DRAM1: variants seen among roughly 807,000 people sequenced by gnomAD.
The protein encoded by DRAM1 is DNA damage regulated autophagy modulator 1, also known as DNA damage-regulated autophagy modulator protein 1.
Under a neutral mutation model 28.5 loss-of-function variants are expected in DRAM1, and 25 were observed. The observed-to-expected ratio is 0.88, with a 90% CI of 0.64 to 1.23. The LOEUF (loss-of-function observed/expected upper bound fraction) is 1.23, where lower values mean the gene tolerates loss of function less well. Ranked by LOEUF, DRAM1 falls within the 50% of genes most tolerant of loss-of-function variation. DRAM1 has a pLI of 0.00. For missense variants in DRAM1, 249 were observed against 299.2 expected, an observed-to-expected ratio of 0.83 and a Z score of 1.24; for synonymous variants, 113 against 114.2, an observed-to-expected ratio of 0.99 and a Z score of 0.07.
chr12:101,889,445 A>C (rs2121040088), intron 1 of DRAM1, among the ~76,000 whole-genome samples: 1 of 152,148 alleles, frequency 6.6e-6, no homozygotes, highest in Admixed American at 6.6e-5. Context: ...CCACTCAGAC[A>C]AGAAAAGAGA....
intron 2 of DRAM1, among the ~76,000 whole-genome samples, chr12:101,900,389 A>G (rs1181010728): frequency 6.6e-6 from 1 of 152,262 alleles, no homozygotes; most frequent in Non-Finnish European, 1.5e-5. Flanking sequence ...GATACAAGAT[A>G]CAATGTTAAA....
intron 2 of DRAM1, among the ~76,000 whole-genome samples, chr12:101,898,996 C>T (rs1383588468): frequency 6.6e-6 from 1 of 152,092 alleles, no homozygotes; most frequent in African/African-American, 2.4e-5. Flanking sequence ...TCTCTTAGTC[C>T]TTCTATAATC....
rs1874494189 is a variant in DRAM1 at position 101,921,786 on chromosome 12, T to G, written c.*526T>G. 1 of 153,442 alleles carries G rather than the reference T, an allele frequency of 6.5e-6. No homozygotes were observed. The highest frequency in any genetic ancestry group is 2.1e-4 in the South Asian group (1 of 4,862). 9.5% of individuals were successfully genotyped at this position (153,442 alleles called of 1,614,324 possible). ...AATCATAAAGATTTAGTTGATACAT[T>G]AACACTAAGATACTCTGATTTTTAG... On this transcript the variant is annotated 3_prime_UTR_variant, in exon 7 of 7. Transcript: ENST00000258534.
chr12:101,895,195 T>TTTTTTG (rs1566123833), intron 1 of DRAM1, among the ~76,000 whole-genome samples: 1 of 127,144 alleles, frequency 7.9e-6, no homozygotes, highest in Non-Finnish European at 1.6e-5. Context: ...GGTTTTTTTT[T>TTTTTTG]TTTTTTTTTT....
At chr12:101,890,843 C>T (rs1051271173) in intron 1 of DRAM1, among the ~76,000 whole-genome samples, 6 of 150,780 alleles carry the variant, frequency 4.0e-5, no homozygotes, top group Non-Finnish European at 5.9e-5. Context: ...CTCCACTTCC[C>T]GGGTTCAAGC....
intron 1 of DRAM1, among the ~76,000 whole-genome samples, chr12:101,892,661 C>A (rs1222936449): frequency 6.6e-6 from 1 of 152,062 alleles, no homozygotes; most frequent in African/African-American, 2.4e-5. Flanking sequence ...ATGAACTATT[C>A]TTGAGCAAAA....
At chr12:101,914,857 C>G (rs995005023) in intron 5 of DRAM1, among the ~76,000 whole-genome samples, 1 of 151,980 alleles carries the variant, frequency 6.6e-6, no homozygotes, top group Non-Finnish European at 1.5e-5. Flanking sequence ...GGGTTTTTCC[C>G]ATGTTGACCA....
intron 1 of DRAM1, among the ~76,000 whole-genome samples, chr12:101,888,746 G>A (rs1400718858): frequency 6.8e-6 from 1 of 146,330 alleles, no homozygotes; most frequent in Non-Finnish European, 1.5e-5. Flanking sequence ...TTGCTCAAAA[G>A]TCTTGACTGA....
chr12:101,885,796 G>A (rs1872866289), intron 1 of DRAM1, among the ~76,000 whole-genome samples: 1 of 152,068 alleles, frequency 6.6e-6, no homozygotes. Flanking sequence ...AAAAAGTGCT[G>A]GGATTACAGG....
chr12:101,889,704 C>A (rs530586289), intron 1 of DRAM1, among the ~76,000 whole-genome samples: 1 of 152,242 alleles, frequency 6.6e-6, no homozygotes, highest in South Asian at 2.1e-4. Flanking sequence ...TTTTGGGAAG[C>A]CAAGGCAGGT....
intron 1 of DRAM1, among the ~76,000 whole-genome samples, chr12:101,887,664 G>A (rs1419926908): frequency 1.3e-5 from 2 of 151,592 alleles, no homozygotes; most frequent in South Asian, 2.1e-4. Context: ...CTGAGTAGCT[G>A]GGACTACAGG....
chr12:101,883,525 A>T (rs1872764999), intron 1 of DRAM1, among the ~76,000 whole-genome samples: 1 of 151,136 alleles, frequency 6.6e-6, no homozygotes, highest in Non-Finnish European at 1.5e-5. Context: ...CATGTTAGCC[A>T]GGGTGGTCTC....
At chr12:101,895,566 A>ATTTTTGGGT (rs61325494) in intron 1 of DRAM1, among the ~76,000 whole-genome samples, 3 of 103,422 alleles carry the variant, frequency 2.9e-5, no homozygotes, top group Admixed American at 1.2e-4. Flanking sequence ...AAGGGAGGCT[A>ATTTTTGGGT]TTTTTTTTTT....
chr12:101,920,954 T>A (rs1874459829), intron 6 of DRAM1, among the ~76,000 whole-genome samples: 1 of 152,182 alleles, frequency 6.6e-6, no homozygotes, highest in South Asian at 2.1e-4. Context: ...AAAAGTGTGT[T>A]GTTCAAAAAA....
chr12:101,895,190 T>G (rs796271913), intron 1 of DRAM1, among the ~76,000 whole-genome samples: 28 of 75,906 alleles, frequency 3.7e-4, no homozygotes, highest in African/African-American at 1.9e-3. Context: ...CTTCAGGTTT[T>G]TTTTTTTTTT....
intron 5 of DRAM1, among the ~76,000 whole-genome samples, chr12:101,917,466 T>A (rs1261728156): frequency 6.6e-6 from 1 of 151,768 alleles, no homozygotes; most frequent in Non-Finnish European, 1.5e-5. Context: ...GGCGGGTGGA[T>A]CACTTGAGGC....
At chr12:101,879,791 C>T (rs951225959) in intron 1 of DRAM1, among the ~76,000 whole-genome samples, 3 of 152,018 alleles carry the variant, frequency 2.0e-5, no homozygotes, top group South Asian at 4.1e-4. Context: ...GTCAAGAGAT[C>T]GAGACCATCC....
chr12:101,903,959 A>ACACCCACC (rs202092215), intron 3 of DRAM1, among the ~76,000 whole-genome samples: 1 of 124,308 alleles, frequency 8.0e-6, no homozygotes, highest in Non-Finnish European at 1.5e-5. Context: ...ACACACACAC[A>ACACCCACC]CACCCCTATA....
rs1315539539 is a variant in DRAM1, at chr12:101,923,372, C to G, written c.*2112C>G. The G allele has an allele frequency of 7.2e-5, 11 of 152,200 alleles. No homozygotes were observed. Among genetic ancestry groups the G allele is most frequent in the Admixed American group, 3.9e-4 (6 of 15,274 alleles). The allele number at this position is 152,200 out of a possible 1,614,324, so 9.4% of individuals were successfully genotyped here. On this transcript the variant is annotated 3_prime_UTR_variant, in exon 7 of 7. Transcript: ENST00000258534. ...TTTCATGCTTCATTTTCACATCTCT[C>G]TGCACAATTAGATTGGGAGCTCCTT... is the stretch of plus-strand genomic sequence containing the variant.
Sources: allele counts gnomAD v4.1 joint callset (sites outside exome capture counted in the v4.1 genomes callset), GRCh38; gene constraint gnomAD v4.1.1; transcripts MANE v1.5; gene names NCBI Gene and HGNC (gene_info 2026-07-23, HGNC 2026-07-21).